The following PPFIA3 variants were observed in gnomAD, a reference collection of about 807,000 sequenced individuals.
PPFIA3 encodes PPFI scaffold protein A3.
A neutral mutation model predicts 145.8 loss-of-function variants in PPFIA3; 26 were observed. The observed-to-expected ratio is 0.18, with a 90% CI of 0.13 to 0.25. PPFIA3 has a LOEUF of 0.25. Among genes scored for constraint, PPFIA3 ranks in the 10% least tolerant of loss-of-function variants. The pLI is 1.00. For synonymous variants in PPFIA3, 645 were observed against 661.4 expected (o/e 0.98, Z 0.38); for missense variants, 1,008 against 1,587.8 (o/e 0.63, Z 6.21).
At position 49,127,688 on chromosome 19, in the gene PPFIA3, G is replaced by A. The variant is rs150514669; in HGVS notation, c.-15-171G>A. Among the ~76,000 whole-genome samples, 6 of 152,230 alleles carry A rather than the reference G, an allele frequency of 3.9e-5. No homozygotes were observed. In the East Asian group the frequency reaches 9.6e-4, roughly 24 times the overall value. ...TTCCCCGGTGGAGTGACAGGGTGGCGGTGCCTGTTTCCCTGTGTCATGATC... is the reference window on the plus strand; with the variant it reads ...TTCCCCGGTGGAGTGACAGGGTGGCAGTGCCTGTTTCCCTGTGTCATGATC... On this transcript the variant is annotated intron_variant, in intron 1 of 29. Transcript: ENST00000334186.
rs75728830 is a variant in PPFIA3, at chr19:49,138,090, C to T, written c.1854-115C>T. 290 of 1,407,586 alleles carry T rather than the reference C, an allele frequency of 2.1e-4. 2 individuals carry two copies. The East Asian group carries it at 6.5e-3, about 32-fold the overall frequency. 87.2% of individuals were successfully genotyped at this position (1,407,586 alleles called of 1,614,324 possible). A position where few individuals can be genotyped will look rare whatever the true frequency, so the allele number is the denominator to read the frequency against. On this transcript the variant is annotated intron_variant, in intron 15 of 29. Transcript: ENST00000334186. ...CCAAAGTCCTCTGACGTCATTGCACCGTCCCCAGAATTCCCATTGCCCCAC... is the reference window on the plus strand; with the variant it reads ...CCAAAGTCCTCTGACGTCATTGCACTGTCCCCAGAATTCCCATTGCCCCAC...
At chr19:49,141,615 TGAGAGG>T in intron 19 of PPFIA3, 102 bp downstream of exon 19, 8 of 912,884 alleles carry the variant, frequency 8.8e-6, no homozygotes, top group South Asian at 3.4e-5. Context: ...TGTGTGTGTG[TGAGAGG>T]GTGTGTGAGT....
intron 11 of PPFIA3, among the ~76,000 whole-genome samples, 189 bp downstream of exon 11, chr19:49,134,354 G>C (rs2041112001): frequency 6.6e-6 from 1 of 152,172 alleles, no homozygotes; most frequent in Non-Finnish European, 1.5e-5. Context: ...CGTTCCAAGA[G>C]CCGAATTCTG....
chr19:49,147,686 A>AAGAGAGAGAG lies in PPFIA3; in HGVS notation c.2836-381_2836-372dup, dbSNP rs143496485. ...GGGTGACATAGCAGACTCTTTCAGA[A>AAGAGAGAGAG]AGAGAGAGAGAGAGAGAGAGAGAGA... On this transcript the variant is annotated intron_variant, in intron 23 of 29. Coordinates refer to ENST00000334186, the MANE Select transcript of PPFIA3 (RefSeq NM_003660.4). Among the ~76,000 whole-genome samples the AAGAGAGAGAG allele has an allele frequency of 6.8e-3, 996 of 145,790 alleles. 10 individuals are homozygous for AAGAGAGAGAG. The highest frequency in any genetic ancestry group is 0.013 in the African/African-American group (493 of 38,912).
chr19:49,138,305 A>G lies in PPFIA3; in HGVS notation c.1954A>G (p.Ser652Gly), dbSNP rs866383308. 8 of 1,613,334 alleles carry G rather than the reference A, an allele frequency of 5.0e-6. No homozygotes were observed. The highest frequency in any genetic ancestry group is 1.7e-4 in the Middle Eastern group (1 of 5,900). The change falls in exon 16 of 30, where the codon AGC becomes GGC. Residue 652 changes from serine to glycine, a missense_variant. Transcript: ENST00000334186. ...GLDSLGRYRS[S>G]CSLPPSLTTS... The stretch of plus-strand genomic sequence containing the variant: ...GGACTCGTTGGGCCGCTACCGCAGC[A>G]GCTGCTCCCTGCCCCCCTCCCTCAC...
chr19:49,128,038 A>G lies in PPFIA3; in HGVS notation c.165A>G (p.Thr55=). 6.3e-7 allele frequency: 1 copy of G among 1,595,970 alleles called. No individual in the cohort carries two copies. Among genetic ancestry groups the G allele is most frequent in the South Asian group, 1.1e-5 (1 of 90,992 alleles). Residue 55 remains threonine, a synonymous_variant, in exon 2 of 30, where the codon ACA becomes ACG. Coordinates refer to ENST00000334186, the MANE Select transcript of PPFIA3 (RefSeq NM_003660.4). The surrounding 1 kb of genome is among the most constrained non-coding windows in gnomAD (Gnocchi z 4.1). ...GCGAGGCACAGGACGGGTTGGCTAC[A>G]GCGCAGCTGCGGCTGCGCGAGCTCG... ...TLREAQDGLA[T]AQLRLRELGH...
At chr19:49,125,499 C>G (rs2040986270) in intron 1 of PPFIA3, 1 of 152,356 alleles carries the variant, frequency 6.6e-6, no homozygotes, top group Non-Finnish European at 1.5e-5. Context: ...GCCCCTGGCT[C>G]TAGGGACCCA....
intron 5 of PPFIA3, among the ~76,000 whole-genome samples, chr19:49,129,789 G>GT (rs2041047014): frequency 6.6e-6 from 1 of 152,162 alleles, no homozygotes; most frequent in African/African-American, 2.4e-5. Context: ...AAGAGTAAGG[G>GT]TAGACGCCCT....
rs775577727 is a variant in PPFIA3 at position 49,150,113 on chromosome 19, T to C, written c.3560T>C (p.Val1187Ala). The C allele has an allele frequency of 6.2e-7, 1 of 1,611,188 alleles. No homozygotes were observed. The highest frequency in any genetic ancestry group is 2.2e-5 in the East Asian group (1 of 44,798). Residue 1187 changes from valine to alanine, a missense_variant, in exon 29 of 30, where the codon GTT (valine) becomes GCT (alanine). Physicochemically the swap from Val to Ala is moderately conservative, Grantham distance 64. Around this residue, in one of 11 missense-constraint regions of PPFIA3, gnomAD observed 125 missense variants for 159.3 expected, o/e 0.78. Transcript: ENST00000334186. The part of the protein sequence containing the change: ...QTSGSSRADG[V>A]SVRTYSC ...TCTGGGAGTTCCCGGGCAGACGGCG[T>C]TTCGGTCCGGACCTATTCCTGCTAG... is the stretch of plus-strand genomic sequence containing the variant.
In PPFIA3 at chr19:49,149,160, A is replaced by G; in HGVS notation, c.3277A>G (p.Asn1093Asp). 3 of 1,613,992 alleles carry G rather than the reference A, an allele frequency of 1.9e-6. No homozygotes were observed. The highest frequency in any genetic ancestry group is 2.5e-6 in the Non-Finnish European group (3 of 1,179,942). The change falls in exon 26 of 30, where the codon AAT becomes GAT. Residue 1093 changes from asparagine (N) to aspartate (D), a missense_variant. Asn to Asp is a conservative substitution (Grantham distance 23). Around this residue, in one of 11 missense-constraint regions of PPFIA3, gnomAD observed 125 missense variants for 159.3 expected, o/e 0.78. Coordinates refer to ENST00000334186, the MANE Select transcript of PPFIA3 (RefSeq NM_003660.4). This position sits in a 1 kb window ranked among gnomAD's most constrained non-coding sequence, Gnocchi z 5.7. ...LALLLQIPTQ[N>D]AQARQLLEKE... ...CTTGCTCCTGCAGATCCCCACGCAGAATGCACAGGTGAGCTGCCGCTGGGC... is the reference window on the plus strand; with the variant it reads ...CTTGCTCCTGCAGATCCCCACGCAGGATGCACAGGTGAGCTGCCGCTGGGC...
chr19:49,150,012 G>T, intron 28 of PPFIA3, 68 bp from the exon 29 acceptor site: 1 of 1,523,702 alleles, frequency 6.6e-7, no homozygotes, highest in South Asian at 1.2e-5. Flanking sequence ...AAGTCCAAAG[G>T]GAGGAATCCT....
Position 49,133,826 on chromosome 19 carries a change from C to A in PPFIA3, c.1192C>A (p.Arg398=), listed in dbSNP as rs940810119. 13 of 1,613,082 alleles carry A rather than the reference C, an allele frequency of 8.1e-6. No individual in the cohort carries two copies. Among genetic ancestry groups the A allele is most frequent in the Non-Finnish European group, 1.1e-5 (13 of 1,179,990 alleles). The change falls in exon 10 of 30, where the codon CGG becomes AGG. Residue 398 remains arginine, a synonymous_variant. Coordinates refer to ENST00000334186, the MANE Select transcript of PPFIA3 (RefSeq NM_003660.4). This position sits in a 1 kb window ranked among gnomAD's most constrained non-coding sequence, Gnocchi z 7.2. The part of the protein sequence containing the change: ...AEERHGNFEE[R]LRQLEAQLEE... Reference sequence around the variant, plus strand: ...GGAACGTCATGGGAATTTTGAGGAGCGGCTTCGGCAGCTGGAGGCCCAGCT... The same window carrying A: ...GGAACGTCATGGGAATTTTGAGGAGAGGCTTCGGCAGCTGGAGGCCCAGCT...
Position 49,149,323 on chromosome 19 carries a change from G to A in PPFIA3, c.3352G>A (p.Glu1118Lys), listed in dbSNP as rs1233005037. 2.5e-6 allele frequency: 4 copies of A among 1,614,032 alleles called. No homozygotes were observed. Among genetic ancestry groups the A allele is most frequent in the South Asian group, 1.1e-5 (1 of 91,072 alleles). ...CTTAGGCACAGACAGGCGGCTGGAC[G>A]AGGTGGGCGCGGCAACAGCTCAGAG... ...ISLGTDRRLDEDSAKSFSRSP... is the reference protein window; with the variant it reads ...ISLGTDRRLDKDSAKSFSRSP... The change falls in exon 27 of 30, where the codon GAG becomes AAG. Residue 1118 changes from glutamate to lysine, a missense_variant and splice_region_variant. Glu to Lys is a moderately conservative substitution (Grantham distance 56, BLOSUM62 1). Coordinates refer to ENST00000334186, the MANE Select transcript of PPFIA3 (RefSeq NM_003660.4). This position sits in a 1 kb window ranked among gnomAD's most constrained non-coding sequence, Gnocchi z 5.7.
At chr19:49,147,541 G>A (rs1157522654) in intron 23 of PPFIA3, among the ~76,000 whole-genome samples, 1 of 151,962 alleles carries the variant, frequency 6.6e-6, no homozygotes, top group Admixed American at 6.6e-5. Context: ...ACAAAAATTA[G>A]CCGGGCGTGG....
chr19:49,134,183 G>A lies in PPFIA3; in HGVS notation c.1377+18G>A. On this transcript the variant is annotated intron_variant, in intron 11 of 29. Coordinates refer to ENST00000334186, the MANE Select transcript of PPFIA3 (RefSeq NM_003660.4). Reference sequence around the variant, plus strand: ...AGGAGAAGGTGCGCCCCCCATACAGGACTGCGGGACGCGGAATTCCGGGAC... The same window carrying A: ...AGGAGAAGGTGCGCCCCCCATACAGAACTGCGGGACGCGGAATTCCGGGAC... The A allele has an allele frequency of 6.3e-7, 1 of 1,575,744 alleles. No individual in the cohort carries two copies. The highest frequency in any genetic ancestry group is 8.6e-7 in the Non-Finnish European group (1 of 1,163,422).
At chr19:49,145,634 C>T (rs1425978792) in intron 21 of PPFIA3, 2 of 417,222 alleles carry the variant, frequency 4.8e-6, no homozygotes, top group African/African-American at 4.0e-5. Context: ...GTGTCTGTCC[C>T]CCACTTCTGA....
At chr19:49,139,411 C>T (rs2122607810) in intron 16 of PPFIA3, among the ~76,000 whole-genome samples, 1 of 151,362 alleles carries the variant, frequency 6.6e-6, no homozygotes, top group East Asian at 1.9e-4. Context: ...ATCTCTTGAA[C>T]CTGGGAGGCA....
intron 18 of PPFIA3, among the ~76,000 whole-genome samples, chr19:49,140,786 C>T (rs1172865360): frequency 1.3e-5 from 2 of 151,524 alleles, no homozygotes; most frequent in African/African-American, 4.9e-5. Flanking sequence ...TCCCCAGTAG[C>T]TGGGACTACA....
At position 49,129,976 on chromosome 19, in the gene PPFIA3, C is replaced by T; in HGVS notation, c.583-17C>T. 1.9e-6 allele frequency: 3 copies of T among 1,613,058 alleles called. No individual in the cohort carries two copies. Among genetic ancestry groups the T allele is most frequent in the Non-Finnish European group, 2.5e-6 (3 of 1,179,542 alleles). ...TCAGGGAGCCCCTGTGCTCTGATTCCCCTTTCACACTTCCAGACTCTGAAC... is the reference window on the plus strand; with the variant it reads ...TCAGGGAGCCCCTGTGCTCTGATTCTCCTTTCACACTTCCAGACTCTGAAC... On this transcript the variant is annotated splice_polypyrimidine_tract_variant and intron_variant, in intron 5 of 29. Transcript: ENST00000334186.
Sources: allele counts gnomAD v4.1 joint callset (sites outside exome capture counted in the v4.1 genomes callset), GRCh38; gene constraint gnomAD v4.1.1; regional missense constraint gnomAD v4.1.1; non-coding constraint Gnocchi (gnomAD v3.1); transcripts MANE v1.5; gene names NCBI Gene and HGNC (gene_info 2026-07-23, HGNC 2026-07-21).